WDR49: variants seen among roughly 807,000 people sequenced by gnomAD.
WDR49 encodes WD repeat domain 49, also known as cilia- and flagella-associated protein 337.
In WDR49, 107 loss-of-function variants were observed where a neutral mutation model predicts 119.5. The ratio of observed to expected loss-of-function variants is 0.90; its 90% CI spans 0.77 to 1.05. The LOEUF (loss-of-function observed/expected upper bound fraction) is 1.05, where lower values mean the gene tolerates loss of function less well. Among genes scored for constraint, WDR49 ranks in the 50% least tolerant of loss-of-function variants. The pLI is 0.00. For missense variants in WDR49, 1,240 were observed against 1,220.5 expected (o/e 1.02, Z -0.24); for synonymous variants, 425 against 418.8 (o/e 1.01, Z -0.18).
chr3:167,497,852 G>A (rs1751415521), intron 18 of WDR49, among the ~76,000 whole-genome samples: 1 of 147,948 alleles, frequency 6.8e-6, no homozygotes, highest in South Asian at 2.1e-4. Flanking sequence ...ACAAAGACAA[G>A]ATAAGTACTT....
intron 2 of WDR49, among the ~76,000 whole-genome samples, chr3:167,645,490 C>A (rs913948097): frequency 2.6e-5 from 4 of 152,068 alleles, no homozygotes; most frequent in Admixed American, 6.6e-5. Flanking sequence ...GGATTACAGG[C>A]GTGAGTCACC....
intron 8 of WDR49, among the ~76,000 whole-genome samples, chr3:167,567,683 C>T (rs1356379573): frequency 6.6e-6 from 1 of 152,138 alleles, no homozygotes; most frequent in Non-Finnish European, 1.5e-5. Flanking sequence ...GCCCTCATGA[C>T]CCCCCTTGTC....
intron 2 of WDR49, among the ~76,000 whole-genome samples, chr3:167,645,798 T>A (rs1450601067): frequency 6.6e-6 from 1 of 152,106 alleles, no homozygotes; most frequent in African/African-American, 2.4e-5. Context: ...CTCAATTTTG[T>A]CTCTCATAGC....
chr3:167,645,615 CCTT>C (rs1334783642), intron 2 of WDR49, among the ~76,000 whole-genome samples: 8 of 152,088 alleles, frequency 5.3e-5, no homozygotes, highest in Non-Finnish European at 1.2e-4. Context: ...TGCTTCTTCT[CCTT>C]CTACTTCTGG....
chr3:167,617,411 C>T (rs372258319), intron 5 of WDR49, among the ~76,000 whole-genome samples: 29 of 152,256 alleles, frequency 1.9e-4, no homozygotes, highest in East Asian at 1.2e-3. Flanking sequence ...CCTGTAATCC[C>T]AGCTATTCGG....
chr3:167,566,458 T>C (rs1247118153), intron 8 of WDR49, among the ~76,000 whole-genome samples: 1 of 152,152 alleles, frequency 6.6e-6, no homozygotes, highest in Admixed American at 6.6e-5. Context: ...ATAAAAGCAA[T>C]GTACAAAGCA....
chr3:167,559,913 A>C, intron 9 of WDR49, 151 bp downstream of exon 9: 1 of 681,836 alleles, frequency 1.5e-6, no homozygotes, highest in Non-Finnish European at 2.3e-6. Context: ...CAGCTTTATT[A>C]GATGGTTGGA....
At chr3:167,623,624 C>T (rs1024589781) in intron 3 of WDR49, among the ~76,000 whole-genome samples, 1 of 37,352 alleles carries the variant, frequency 2.7e-5, no homozygotes, top group Non-Finnish European at 4.9e-5. Flanking sequence ...AAATACATTC[C>T]CCATAAAGAT....
intron 8 of WDR49, among the ~76,000 whole-genome samples, chr3:167,571,354 T>A (rs1713928516): frequency 6.6e-6 from 1 of 152,132 alleles, no homozygotes. Flanking sequence ...ATTAATATAT[T>A]AGAGGTTAGA....
At position 167,500,303 on chromosome 3, in the gene WDR49, C is replaced by T; in HGVS notation, c.2885-4G>A. 6.2e-7 allele frequency: 1 copy of T among 1,604,952 alleles called. No homozygotes were observed. The highest frequency in any genetic ancestry group is 8.5e-7 in the Non-Finnish European group (1 of 1,177,198). On this transcript the variant is annotated splice_region_variant and splice_polypyrimidine_tract_variant and intron_variant, in intron 17 of 18. Coordinates refer to ENST00000682715, the MANE Select transcript of WDR49 (RefSeq NM_001366157.1). Reference sequence around the variant, plus strand: ...ATGTTTAATGACCTAAATGTACCTTCACAACAGCAGGTTTTAGAGGAAGAC... The same window carrying T: ...ATGTTTAATGACCTAAATGTACCTTTACAACAGCAGGTTTTAGAGGAAGAC...
At chr3:167,574,502 T>C (rs1163208262) in intron 8 of WDR49, among the ~76,000 whole-genome samples, 2 of 152,230 alleles carry the variant, frequency 1.3e-5, no homozygotes, top group East Asian at 3.9e-4. Flanking sequence ...TCAATGCTTA[T>C]CATTATTTAT....
At chr3:167,639,478 C>T (rs923583054) in intron 2 of WDR49, among the ~76,000 whole-genome samples, 2 of 151,818 alleles carry the variant, frequency 1.3e-5, no homozygotes, top group Admixed American at 6.6e-5. Flanking sequence ...AATATATTGG[C>T]TTCAACAAAA....
At chr3:167,507,705 T>G (rs1418308660) in intron 16 of WDR49, among the ~76,000 whole-genome samples, 3 of 152,184 alleles carry the variant, frequency 2.0e-5, no homozygotes, top group Non-Finnish European at 4.4e-5. Context: ...CAAGTAGCTT[T>G]TATATAAAGC....
At chr3:167,489,499 T>C (rs1751047812) in intron 18 of WDR49, among the ~76,000 whole-genome samples, 1 of 152,082 alleles carries the variant, frequency 6.6e-6, no homozygotes, top group African/African-American at 2.4e-5. Flanking sequence ...ATTTATACAC[T>C]CATCACTTCA....
chr3:167,626,456 T>C (rs914467207), intron 3 of WDR49, among the ~76,000 whole-genome samples: 1 of 152,004 alleles, frequency 6.6e-6, no homozygotes, highest in African/African-American at 2.4e-5. Flanking sequence ...TTAGACTGAG[T>C]GGGCCCTATC....
At chr3:167,647,760 G>A (rs79608933) in intron 2 of WDR49, among the ~76,000 whole-genome samples, 381 of 152,212 alleles carry the variant, frequency 2.5e-3, no homozygotes, top group African/African-American at 8.7e-3. Context: ...GTGAGACTAA[G>A]CTTCACCTGT....
intron 6 of WDR49, 129 bp from the exon 7 acceptor site, chr3:167,602,404 T>C (rs993655658): frequency 1.3e-6 from 1 of 786,460 alleles, no homozygotes; most frequent in Non-Finnish European, 1.9e-6. Flanking sequence ...CTAATGCACC[T>C]GTTTTGCCAT....
chr3:167,613,492 C>A (rs1274635415), intron 5 of WDR49, among the ~76,000 whole-genome samples: 1 of 152,120 alleles, frequency 6.6e-6, no homozygotes, highest in Non-Finnish European at 1.5e-5. Context: ...CTAGCTAACT[C>A]GACAGTGTCT....
chr3:167,482,605 G>A (rs1473212514), intron 18 of WDR49, among the ~76,000 whole-genome samples: 2 of 151,650 alleles, frequency 1.3e-5, no homozygotes, highest in Admixed American at 6.6e-5. Context: ...CGTGAACCCG[G>A]GAGGCAGAGC....
Sources: allele counts gnomAD v4.1 joint callset (sites outside exome capture counted in the v4.1 genomes callset), GRCh38; gene constraint gnomAD v4.1.1; transcripts MANE v1.5; gene names NCBI Gene and HGNC (gene_info 2026-07-23, HGNC 2026-07-21).